ALPK2: variants seen among roughly 807,000 people sequenced by gnomAD.
ALPK2 encodes alpha kinase 2, also known as alpha-protein kinase 2.
Under a neutral mutation model 163.1 loss-of-function variants are expected in ALPK2, and 127 were observed. That is an observed-to-expected ratio of 0.78 (90% CI 0.67 to 0.90). The LOEUF is 0.90. Ranked by LOEUF, ALPK2 falls within the 40% of genes least tolerant of loss-of-function variation. The pLI, the probability that ALPK2 is intolerant of heterozygous loss-of-function variation, is 0.00. For missense variants in ALPK2, 2,360 were observed against 2,589.6 expected, an observed-to-expected ratio of 0.91 and a Z score of 1.92; for synonymous variants, 953 against 959.1, an observed-to-expected ratio of 0.99 and a Z score of 0.12.
In ALPK2 at chr18:58,531,648, GAA is replaced by G. The variant is rs34960653; in HGVS notation, c.5354-2412_5354-2411del. Among the ~76,000 whole-genome samples, 48 of 103,574 alleles carry G rather than the reference GAA, an allele frequency of 4.6e-4. 1 individual carries two copies. The highest frequency in any genetic ancestry group is 1.8e-3 in the South Asian group (5 of 2,772). The allele number at this position is 103,574 out of a possible 152,430, so 67.9% of individuals were successfully genotyped here. A position where few individuals can be genotyped will look rare whatever the true frequency, so the allele number is the denominator to read the frequency against. On this transcript the variant is annotated intron_variant, in intron 5 of 12. Transcript: ENST00000361673. ...ACGAACAACTAGAAGGTGATAAGTT[GAA>G]AAAAAAAAAAAAAAAAGGACGGGCA... is the stretch of plus-strand genomic sequence containing the variant.
intron 4 of ALPK2, 65 bp downstream of exon 4, chr18:58,578,733 GACACACACACACACAC>G: frequency 1.9e-6 from 1 of 530,148 alleles, no homozygotes; most frequent in Non-Finnish European, 3.1e-6. Flanking sequence ...TAAAGGAAGA[GACACACACACACACAC>G]ACACACACAC....
chr18:58,523,783 C>T (rs1251378482), intron 8 of ALPK2, 23 bp downstream of exon 8: 4 of 1,614,046 alleles, frequency 2.5e-6, no homozygotes, highest in Non-Finnish European at 3.4e-6. Flanking sequence ...TTTCCTCTGG[C>T]AGGTCAACCC....
chr18:58,598,793 C>T (rs1404555997), intron 3 of ALPK2, among the ~76,000 whole-genome samples: 1 of 152,160 alleles, frequency 6.6e-6, no homozygotes, highest in Non-Finnish European at 1.5e-5. Flanking sequence ...GAGCAATACA[C>T]CCCATCTTTT....
intron 4 of ALPK2, among the ~76,000 whole-genome samples, chr18:58,559,123 T>G (rs186214613): frequency 2.6e-5 from 4 of 152,208 alleles, no homozygotes; most frequent in Non-Finnish European, 5.9e-5. Context: ...CCAACTGTGA[T>G]TAGTGATGGT....
At chr18:58,530,618 C>T (rs1194057355) in intron 5 of ALPK2, among the ~76,000 whole-genome samples, 1 of 152,110 alleles carries the variant, frequency 6.6e-6, no homozygotes, top group Non-Finnish European at 1.5e-5. Context: ...GTACCGAACA[C>T]AAGGAAAATT....
chr18:58,516,924 T>C lies in ALPK2; in HGVS notation c.5924A>G (p.Tyr1975Cys). ...RNNDELIQRN[Y>C]KLAAQECYVQ... ...TGGACCCACCTGGGCAGCGAGTTTG[T>C]AGTTCCTTTGGATGAGCTCATCATT... Residue 1975 changes from tyrosine (Y) to cysteine (C), a missense_variant, in exon 9 of 13, where the codon TAC (tyrosine) becomes TGC (cysteine). Tyr to Cys is a radical substitution (Grantham distance 194, BLOSUM62 -2). Coordinates refer to ENST00000361673, the MANE Select transcript of ALPK2 (RefSeq NM_052947.4). The C allele has an allele frequency of 6.2e-7, 1 of 1,613,494 alleles. No homozygotes were observed. Among genetic ancestry groups the C allele is most frequent in the Non-Finnish European group, 8.5e-7 (1 of 1,179,454 alleles).
Position 58,517,077 on chromosome 18 carries a change from T to G in ALPK2, c.5771A>C (p.His1924Pro), listed in dbSNP as rs775644161. The G allele has an allele frequency of 4.3e-6, 7 of 1,614,222 alleles. No homozygotes were observed. The South Asian group carries it at 7.7e-5, about 18-fold the overall frequency. Residue 1924 changes from histidine to proline, a missense_variant, in exon 9 of 13, where the codon CAC (histidine) becomes CCC (proline). Coordinates refer to ENST00000361673, the MANE Select transcript of ALPK2 (RefSeq NM_052947.4). ...TTTGCGGTGAACCCCTTCTCCAAAG[T>G]GCAGCTCCTCCGTGGCGATCTGACC... is the stretch of plus-strand genomic sequence containing the variant. Reference protein sequence around the residue: ...LRGQIATEELHFGEGVHRKAF... With the variant: ...LRGQIATEELPFGEGVHRKAF...
chr18:58,515,317 G>C (rs956821202), intron 9 of ALPK2, among the ~76,000 whole-genome samples: 1 of 152,106 alleles, frequency 6.6e-6, no homozygotes, highest in Non-Finnish European at 1.5e-5. Context: ...TCCAGGACCA[G>C]GTGTCCCTGA....
intron 3 of ALPK2, among the ~76,000 whole-genome samples, chr18:58,587,125 A>T (rs2051991191): frequency 6.6e-6 from 1 of 152,232 alleles, no homozygotes; most frequent in Non-Finnish European, 1.5e-5. Context: ...ATGCACACAC[A>T]GCCCCTCAAT....
At chr18:58,618,405 G>A (rs771685085) in intron 1 of ALPK2, among the ~76,000 whole-genome samples, 1 of 152,206 alleles carries the variant, frequency 6.6e-6, no homozygotes, top group Non-Finnish European at 1.5e-5. Context: ...AGGTAGCAGA[G>A]TGATGTGATG....
At chr18:58,520,518 A>G (rs1602198496) in intron 8 of ALPK2, among the ~76,000 whole-genome samples, 1 of 150,850 alleles carries the variant, frequency 6.6e-6, no homozygotes, top group East Asian at 2.0e-4. Flanking sequence ...GGGAGATTCA[A>G]ATGCCTCACT....
chr18:58,504,151 G>C lies in ALPK2; in HGVS notation c.6030-3C>G. The C allele has an allele frequency of 1.9e-6, 3 of 1,613,016 alleles. No individual in the cohort carries two copies. The highest frequency in any genetic ancestry group is 2.5e-6 in the Non-Finnish European group (3 of 1,179,066). On this transcript the variant is annotated splice_polypyrimidine_tract_variant and splice_region_variant and intron_variant, in intron 10 of 12. Coordinates refer to ENST00000361673, the MANE Select transcript of ALPK2 (RefSeq NM_052947.4). ...GGATAAGAAAAATAGGAATGATCCT[G>C]GCAGGGAAGAGAACACAGGCGCACA...
At chr18:58,533,579 A>G (rs1163159258) in intron 5 of ALPK2, among the ~76,000 whole-genome samples, 1 of 151,646 alleles carries the variant, frequency 6.6e-6, no homozygotes, top group Non-Finnish European at 1.5e-5. Flanking sequence ...CCTTAGCCGC[A>G]GAGTAGCTGG....
At chr18:58,518,889 C>T (rs779921451) in intron 8 of ALPK2, among the ~76,000 whole-genome samples, 1 of 152,166 alleles carries the variant, frequency 6.6e-6, no homozygotes, top group Non-Finnish European at 1.5e-5. Flanking sequence ...GAATTCAAAC[C>T]CCTTCTTAAA....
intron 3 of ALPK2, among the ~76,000 whole-genome samples, chr18:58,582,666 GC>G (rs2051964885): frequency 6.6e-6 from 1 of 152,132 alleles, no homozygotes; most frequent in Admixed American, 6.5e-5. Flanking sequence ...GAGAACAAGT[GC>G]CCGAGGTAGT....
Position 58,573,364 on chromosome 18 carries a change from G to GTA in ALPK2, c.1962+5448_1962+5449dup, listed in dbSNP as rs199946737. ...TATATATGTATATATATATGTGTGT[G>GTA]TATATATATATGTGTGTGTATATAT... On this transcript the variant is annotated intron_variant, in intron 4 of 12. Coordinates refer to ENST00000361673, the MANE Select transcript of ALPK2 (RefSeq NM_052947.4). Among the ~76,000 whole-genome samples, 63 of 139,634 alleles carry GTA rather than the reference G, an allele frequency of 4.5e-4. 1 individual carries two copies. Among genetic ancestry groups the GTA allele is most frequent in the African/African-American group, 1.4e-3 (53 of 37,272 alleles). 91.6% of individuals were successfully genotyped at this position (139,634 alleles called of 152,430 possible). A position where few individuals can be genotyped will look rare whatever the true frequency, so the allele number is the denominator to read the frequency against.
At chr18:58,483,256 C>G (rs2051320839) in intron 12 of ALPK2, among the ~76,000 whole-genome samples, 1 of 152,148 alleles carries the variant, frequency 6.6e-6, no homozygotes, top group Non-Finnish European at 1.5e-5. Flanking sequence ...TTCACTCAGC[C>G]CCTCCCCATC....
Position 58,505,718 on chromosome 18 carries a change from C to T in ALPK2, c.6030-1570G>A, listed in dbSNP as rs566661227. Among the ~76,000 whole-genome samples the T allele has an allele frequency of 3.9e-5, 6 of 152,242 alleles. No homozygotes were observed. The South Asian group carries it at 1.2e-3, about 32-fold the overall frequency. Reference sequence around the variant, plus strand: ...GCTGTAGACTCGCTGTCTCCAGTACCTCCCCTCCCATTCTCTCTTAAGCAT... The same window carrying T: ...GCTGTAGACTCGCTGTCTCCAGTACTTCCCCTCCCATTCTCTCTTAAGCAT... On this transcript the variant is annotated intron_variant, in intron 10 of 12. Transcript: ENST00000361673.
intron 4 of ALPK2, among the ~76,000 whole-genome samples, chr18:58,562,809 C>T (rs1372823552): frequency 6.6e-6 from 1 of 152,194 alleles, no homozygotes; most frequent in African/African-American, 2.4e-5. Context: ...TCCTGACTTG[C>T]AGGTGGCTGC....
Sources: allele counts gnomAD v4.1 joint callset (sites outside exome capture counted in the v4.1 genomes callset), GRCh38; gene constraint gnomAD v4.1.1; transcripts MANE v1.5; gene names NCBI Gene and HGNC (gene_info 2026-07-23, HGNC 2026-07-21).